GPR107: variants seen among roughly 807,000 people sequenced by gnomAD.
The protein encoded by GPR107 is G protein-coupled receptor 107, also known as protein GPR107.
In GPR107, 31 loss-of-function variants were observed where a neutral mutation model predicts 75.5. The ratio of observed to expected loss-of-function variants is 0.41; its 90% CI spans 0.31 to 0.55. The LOEUF (loss-of-function observed/expected upper bound fraction) is 0.55. Among genes scored for constraint, GPR107 ranks in the 20% least tolerant of loss-of-function variants. The pLI, the probability that GPR107 is intolerant of heterozygous loss-of-function variation, is 0.26. For synonymous variants in GPR107, 267 were observed against 251.3 expected (o/e 1.06, Z -0.59); for missense variants, 572 against 665.7 (o/e 0.86, Z 1.55).
intron 7 of GPR107, among the ~76,000 whole-genome samples, chr9:130,090,125 G>A (rs1023243936): frequency 2.0e-5 from 3 of 152,112 alleles, no homozygotes; most frequent in Non-Finnish European, 2.9e-5. Flanking sequence ...TATATATGTA[G>A]CCCTAAAAAT....
At chr9:130,063,693 T>G (rs1829988296) in intron 1 of GPR107, among the ~76,000 whole-genome samples, 1 of 152,112 alleles carries the variant, frequency 6.6e-6, no homozygotes, top group Non-Finnish European at 1.5e-5. Flanking sequence ...TGCTGGGGTT[T>G]CTTAATAAAA....
At chr9:130,102,469 C>T (rs1004054246) in intron 12 of GPR107, among the ~76,000 whole-genome samples, 4 of 152,314 alleles carry the variant, frequency 2.6e-5, no homozygotes, top group Admixed American at 2.6e-4. Flanking sequence ...GAAAGACAGA[C>T]ACACAGAGTT....
chr9:130,078,866 A>G (rs903738257), intron 4 of GPR107, among the ~76,000 whole-genome samples: 1 of 152,222 alleles, frequency 6.6e-6, no homozygotes, highest in Non-Finnish European at 1.5e-5. Flanking sequence ...GGGGTAAACA[A>G]AATTGGGTCT....
Position 130,124,915 on chromosome 9 carries a change from C to A in GPR107, c.1307C>A (p.Ala436Asp). The change falls in exon 15 of 18, where the codon GCT becomes GAT. Residue 436 changes from alanine (A) to aspartate (D), a missense_variant and splice_region_variant. Physicochemically the swap from Ala to Asp is moderately radical, Grantham distance 126 (BLOSUM62 -2). Transcript: ENST00000347136. ...LQEASATDGK[A>D]AINLAKLKLF... ...TCATTTTGTTCTTTCTTCTCTCTAG[C>A]TGCTATTAACTTAGCAAAGCTGAAA... 6.5e-7 allele frequency: 1 copy of A among 1,544,146 alleles called. No homozygotes were observed. The highest frequency in any genetic ancestry group is 8.8e-7 in the Non-Finnish European group (1 of 1,132,282).
At position 130,139,457 on chromosome 9, in the gene GPR107, G is replaced by C. The variant is rs545053959; in HGVS notation, c.*4336G>C. 3.9e-5 allele frequency: 6 copies of C among 152,318 alleles called. No individual in the cohort carries two copies. The highest frequency in any genetic ancestry group is 1.4e-4 in the African/African-American group (6 of 41,568). The allele number at this position is 152,318 out of a possible 1,614,324, so 9.4% of individuals were successfully genotyped here. A position where few individuals can be genotyped will look rare whatever the true frequency, so the allele number is the denominator to read the frequency against. ...TTCTGTAGCCCAGCGATGCATCTGAGCCTCTCTGCGTGGTTTATGCTTGAA... is the reference window on the plus strand; with the variant it reads ...TTCTGTAGCCCAGCGATGCATCTGACCCTCTCTGCGTGGTTTATGCTTGAA... On this transcript the variant is annotated 3_prime_UTR_variant, in exon 18 of 18. Coordinates refer to ENST00000347136, the MANE Select transcript of GPR107 (RefSeq NM_020960.5).
intron 3 of GPR107, 64 bp downstream of exon 3, chr9:130,076,526 A>G: frequency 9.2e-6 from 9 of 978,374 alleles, no homozygotes; most frequent in Non-Finnish European, 1.3e-5. Flanking sequence ...GAACGGGAAC[A>G]CCCTACTTCT....
intron 9 of GPR107, among the ~76,000 whole-genome samples, chr9:130,093,225 C>G (rs1482976827): frequency 6.6e-6 from 1 of 152,030 alleles, no homozygotes; most frequent in African/African-American, 2.4e-5. Context: ...TTTCTGAAAC[C>G]CCCGAGGCTT....
At chr9:130,077,887 C>T (rs751487940) in intron 4 of GPR107, among the ~76,000 whole-genome samples, 1 of 152,024 alleles carries the variant, frequency 6.6e-6, no homozygotes, top group African/African-American at 2.4e-5. Flanking sequence ...ATGTTGAGGC[C>T]GGGCATGGTG....
At chr9:130,088,542 A>C (rs1285302154) in intron 7 of GPR107, among the ~76,000 whole-genome samples, 3 of 151,926 alleles carry the variant, frequency 2.0e-5, no homozygotes, top group African/African-American at 4.8e-5. Flanking sequence ...TGTATATGAA[A>C]CTCCTGATCT....
intron 1 of GPR107, among the ~76,000 whole-genome samples, chr9:130,058,653 C>T (rs571986628): frequency 7.9e-5 from 12 of 152,106 alleles, no homozygotes; most frequent in African/African-American, 2.9e-4. Flanking sequence ...TTAGTAGAGA[C>T]AGGGTTTTGC....
At chr9:130,057,249 A>C (rs912874323) in intron 1 of GPR107, among the ~76,000 whole-genome samples, 1 of 152,086 alleles carries the variant, frequency 6.6e-6, no homozygotes, top group Non-Finnish European at 1.5e-5. Flanking sequence ...CTCAGCACTT[A>C]GGGAAGCTCG....
intron 10 of GPR107, among the ~76,000 whole-genome samples, chr9:130,099,935 C>T (rs1830979538): frequency 1.7e-5 from 2 of 114,292 alleles, no homozygotes; most frequent in African/African-American, 3.5e-5. Context: ...CGCTCTGTTG[C>T]CCAGGCTGGA....
At chr9:130,116,962 T>C in intron 14 of GPR107, among the ~76,000 whole-genome samples, 1 of 149,640 alleles carries the variant, frequency 6.7e-6, no homozygotes, top group Non-Finnish European at 1.5e-5. Context: ...TTTTTTTTTT[T>C]TGAGACAGAG....
At chr9:130,110,576 T>C in intron 14 of GPR107, 1 of 639,564 alleles carries the variant, frequency 1.6e-6, no homozygotes, top group South Asian at 1.8e-5. Context: ...TTTCCCTGAA[T>C]TGATTGAGGC....
intron 14 of GPR107, among the ~76,000 whole-genome samples, chr9:130,116,815 G>C (rs1436003066): frequency 3.3e-5 from 5 of 152,072 alleles, no homozygotes; most frequent in Admixed American, 3.3e-4. Context: ...TGTTTCTGCT[G>C]CTTTTGTTGA....
intron 14 of GPR107, among the ~76,000 whole-genome samples, chr9:130,108,381 T>G (rs955123126): frequency 6.6e-6 from 1 of 152,254 alleles, no homozygotes; most frequent in Non-Finnish European, 1.5e-5. Flanking sequence ...TTTTAGAAAA[T>G]TCGGAAAATG....
intron 9 of GPR107, among the ~76,000 whole-genome samples, chr9:130,097,346 G>A (rs1383133308): frequency 6.6e-6 from 1 of 151,788 alleles, no homozygotes; most frequent in African/African-American, 2.4e-5. Flanking sequence ...GTAGAGACGG[G>A]TTTTCACTGT....
At chr9:130,078,843 T>G (rs1830421568) in intron 4 of GPR107, among the ~76,000 whole-genome samples, 2 of 152,136 alleles carry the variant, frequency 1.3e-5, no homozygotes, top group South Asian at 4.1e-4. Context: ...CACTGGCCCC[T>G]CCTGGGTGGG....
intron 7 of GPR107, among the ~76,000 whole-genome samples, chr9:130,090,362 A>ATAC (rs1349294382): frequency 6.6e-6 from 1 of 152,190 alleles, no homozygotes; most frequent in Non-Finnish European, 1.5e-5. Context: ...ATGAGGAAAT[A>ATAC]TTGATTGGTT....
Sources: allele counts gnomAD v4.1 joint callset (sites outside exome capture counted in the v4.1 genomes callset), GRCh38; gene constraint gnomAD v4.1.1; transcripts MANE v1.5; gene names NCBI Gene and HGNC (gene_info 2026-07-23, HGNC 2026-07-21).